UBE2H: variants seen among roughly 807,000 people sequenced by gnomAD.
UBE2H encodes ubiquitin conjugating enzyme E2 H.
A neutral mutation model predicts 29.0 loss-of-function variants in UBE2H; 3 were observed. The ratio of observed to expected loss-of-function variants is 0.10; its 90% CI spans 0.05 to 0.27. UBE2H has a LOEUF of 0.27. Ranked by LOEUF, UBE2H falls within the 10% of genes least tolerant of loss-of-function variation. The pLI is 1.00. For synonymous variants in UBE2H, 69 were observed against 82.9 expected (o/e 0.83, Z 0.91); for missense variants, 68 against 228.2 (o/e 0.30, Z 4.52).
chr7:129,836,879 C>CAAAAAAAAAAAAAAAAAAAAAA lies in UBE2H; in HGVS notation c.428-1840_428-1819dup, dbSNP rs61226846. Among the ~76,000 whole-genome samples, 99 of 73,726 alleles carry CAAAAAAAAAAAAAAAAAAAAAA rather than the reference C, an allele frequency of 1.3e-3. 3 individuals carry two copies. The highest frequency in any genetic ancestry group is 2.0e-3 in the Non-Finnish European group (76 of 38,356). 48.4% of individuals were successfully genotyped at this position (73,726 alleles called of 152,430 possible). A position where few individuals can be genotyped will look rare whatever the true frequency, so the allele number is the denominator to read the frequency against. On this transcript the variant is annotated intron_variant, in intron 6 of 6. Coordinates refer to ENST00000355621, the MANE Select transcript of UBE2H (RefSeq NM_003344.4). ...TAGGCGACAGGGCAAGACTCCGTCT[C>CAAAAAAAAAAAAAAAAAAAAAA]AAAAAAAAAAAAAAAAAAAAAAAAA...
chr7:129,928,025 TA>T (rs71175049), intron 1 of UBE2H, among the ~76,000 whole-genome samples: 73,942 of 128,522 alleles, frequency 0.58, 20,723 homozygotes, highest in Middle Eastern at 0.65. Flanking sequence ...ATCTCAAAAT[TA>T]AAAAAAAAAA....
At chr7:129,939,019 G>A (rs557965803) in intron 1 of UBE2H, among the ~76,000 whole-genome samples, 13 of 152,140 alleles carry the variant, frequency 8.5e-5, no homozygotes, top group East Asian at 1.9e-4. Context: ...GGCTGGTCTC[G>A]AACTCCTGAC....
At chr7:129,895,643 G>A (rs957157813) in intron 1 of UBE2H, among the ~76,000 whole-genome samples, 5 of 152,200 alleles carry the variant, frequency 3.3e-5, no homozygotes, top group African/African-American at 9.7e-5. Flanking sequence ...GCTCACACCT[G>A]TAATCGCAGC....
intron 1 of UBE2H, among the ~76,000 whole-genome samples, chr7:129,908,867 A>G (rs750300847): frequency 7.9e-5 from 12 of 152,232 alleles, no homozygotes; most frequent in Non-Finnish European, 1.8e-4. Context: ...CAGGAGGTAT[A>G]GAATGATGTT....
At chr7:129,856,639 T>G (rs372613274) in intron 5 of UBE2H, among the ~76,000 whole-genome samples, 1 of 152,124 alleles carries the variant, frequency 6.6e-6, no homozygotes, top group South Asian at 2.1e-4. Context: ...GATTTGGACA[T>G]GTGGAGGGAA....
At chr7:129,887,409 A>C (rs2116389051) in intron 1 of UBE2H, among the ~76,000 whole-genome samples, 1 of 151,720 alleles carries the variant, frequency 6.6e-6, no homozygotes. Flanking sequence ...TTTAGTAGAG[A>C]CGGGGTTTCA....
In UBE2H at chr7:129,834,671, T is replaced by C. The variant is rs897952570; in HGVS notation, c.*266A>G. On this transcript the variant is annotated 3_prime_UTR_variant, in exon 7 of 7. Transcript: ENST00000355621. ...ACAGTTCAGTAGCACACAGGCTGAC[T>C]TGGCCACATGGACTCATGAATGCAT... 3 of 310,198 alleles carry C rather than the reference T, an allele frequency of 9.7e-6. No individual in the cohort carries two copies. Among genetic ancestry groups the C allele is most frequent in the Non-Finnish European group, 1.2e-5 (2 of 168,568 alleles). 19.2% of individuals were successfully genotyped at this position (310,198 alleles called of 1,614,324 possible).
intron 3 of UBE2H, among the ~76,000 whole-genome samples, chr7:129,878,661 C>T (rs186496570): frequency 0.019 from 2,166 of 112,930 alleles, 27 homozygotes; most frequent in South Asian, 0.037. Flanking sequence ...CCAGCCTGGG[C>T]GACAGAGTGA....
At chr7:129,919,100 T>TAAAAAAAAAAAAAAAAAAAAA (rs1204331286) in intron 1 of UBE2H, among the ~76,000 whole-genome samples, 8 of 72,104 alleles carry the variant, frequency 1.1e-4, no homozygotes, top group East Asian at 5.1e-4. Context: ...AAAAACAAAG[T>TAAAAAAAAAAAAAAAAAAAAA]AAAAAAAAAA....
chr7:129,931,836 C>CT (rs372552075), intron 1 of UBE2H, among the ~76,000 whole-genome samples: 21,171 of 131,212 alleles, frequency 0.16, 2,117 homozygotes, highest in East Asian at 0.33. Flanking sequence ...TTCTACTTTG[C>CT]TTTTTTTTTT....
chr7:129,911,521 C>T (rs1168701880), intron 1 of UBE2H, among the ~76,000 whole-genome samples: 1 of 152,122 alleles, frequency 6.6e-6, no homozygotes, highest in East Asian at 1.9e-4. Flanking sequence ...CAGTATTGGA[C>T]ATGCAAGGTT....
At chr7:129,889,622 A>G (rs1033420836) in intron 1 of UBE2H, among the ~76,000 whole-genome samples, 1 of 152,224 alleles carries the variant, frequency 6.6e-6, no homozygotes, top group African/African-American at 2.4e-5. Flanking sequence ...ACTGCAGTGC[A>G]AGCTCCGTAA....
chr7:129,940,850 C>A (rs1366431623), intron 1 of UBE2H, among the ~76,000 whole-genome samples: 1 of 152,210 alleles, frequency 6.6e-6, no homozygotes, highest in African/African-American at 2.4e-5. Flanking sequence ...AATGTGATAC[C>A]CAATTGAGAA....
chr7:129,912,348 C>T (rs925291327), intron 1 of UBE2H, among the ~76,000 whole-genome samples: 3 of 152,182 alleles, frequency 2.0e-5, no homozygotes, highest in Non-Finnish European at 2.9e-5. Context: ...CATATCTTGG[C>T]GATGAGACTC....
intron 3 of UBE2H, among the ~76,000 whole-genome samples, chr7:129,862,421 C>T (rs573991311): frequency 6.6e-6 from 1 of 152,166 alleles, no homozygotes; most frequent in South Asian, 2.1e-4. Flanking sequence ...AGGGGAAATA[C>T]CTGTAAGGAA....
At chr7:129,948,658 T>C (rs958778970) in intron 1 of UBE2H, among the ~76,000 whole-genome samples, 2 of 152,064 alleles carry the variant, frequency 1.3e-5, no homozygotes, top group Non-Finnish European at 2.9e-5. Context: ...CTACAAAAAA[T>C]GTAAAAATAA....
chr7:129,865,026 C>A, intron 3 of UBE2H: 1 of 437,434 alleles, frequency 2.3e-6, no homozygotes, highest in Non-Finnish European at 4.6e-6. Flanking sequence ...CTTCTCTGTC[C>A]TGCGTCTTTT....
At chr7:129,931,950 A>G (rs1453640351) in intron 1 of UBE2H, among the ~76,000 whole-genome samples, 1 of 144,228 alleles carries the variant, frequency 6.9e-6, no homozygotes, top group African/African-American at 2.6e-5. Context: ...CAGCCTCCCC[A>G]GTAACAGGGA....
At chr7:129,943,859 C>T (rs1454734195) in intron 1 of UBE2H, among the ~76,000 whole-genome samples, 10 of 151,946 alleles carry the variant, frequency 6.6e-5, no homozygotes, top group South Asian at 2.1e-4. Context: ...CCAGTCTGGG[C>T]GACAGAGCGA....
Sources: gnomAD v4.1 joint callset for allele counts (sites outside exome capture counted in the v4.1 genomes callset) on GRCh38, gnomAD v4.1.1 for gene constraint, MANE v1.5 for transcripts, NCBI Gene and HGNC (gene_info 2026-07-23, HGNC 2026-07-21) for gene names.